Variants in THRAP3 observed in about 807,000 individuals in gnomAD.
The protein encoded by THRAP3 is thyroid hormone receptor associated protein 3.
In THRAP3, 16 loss-of-function variants were observed where a neutral mutation model predicts 101.0. That is an observed-to-expected ratio of 0.16 (90% CI 0.11 to 0.24). The LOEUF (loss-of-function observed/expected upper bound fraction) is 0.24, where lower values mean the gene tolerates loss of function less well. THRAP3 is among the 10% of genes least tolerant of loss of function. THRAP3 has a pLI of 1.00. For synonymous variants in THRAP3, 407 were observed against 422.6 expected, an observed-to-expected ratio of 0.96 and a Z score of 0.45; for missense variants, 989 against 1,202.7, an observed-to-expected ratio of 0.82 and a Z score of 2.63.
At chr1:36,292,388 C>T (rs1457700446) in intron 6 of THRAP3, among the ~76,000 whole-genome samples, 1 of 149,498 alleles carries the variant, frequency 6.7e-6, no homozygotes, top group Non-Finnish European at 1.5e-5. Flanking sequence ...TCTTCTGCCT[C>T]AGCCTCCGGA....
intron 8 of THRAP3, among the ~76,000 whole-genome samples, chr1:36,295,403 G>A (rs59166985): frequency 0.051 from 7,680 of 152,024 alleles, 636 homozygotes; most frequent in African/African-American, 0.17. Flanking sequence ...GGGATGTCCC[G>A]GAACTACCAT....
At chr1:36,263,658 T>A (rs767890378) in intron 2 of THRAP3, among the ~76,000 whole-genome samples, 13 of 152,194 alleles carry the variant, frequency 8.5e-5, no homozygotes, top group Non-Finnish European at 1.3e-4. Flanking sequence ...GAGGAGCCTC[T>A]GGGGTGAATT....
intron 1 of THRAP3, among the ~76,000 whole-genome samples, chr1:36,242,936 T>G (rs1017324209): frequency 3.9e-5 from 6 of 152,130 alleles, no homozygotes; most frequent in Non-Finnish European, 7.4e-5. Flanking sequence ...TATTTTATTT[T>G]ATTTTGAGAT....
chr1:36,248,534 ACCT>A (rs1173145377), intron 1 of THRAP3, among the ~76,000 whole-genome samples: 2 of 144,370 alleles, frequency 1.4e-5, no homozygotes, highest in Admixed American at 7.1e-5. Flanking sequence ...TGCAGCCTTG[ACCT>A]CCTGGGCCCA....
At chr1:36,244,922 A>G (rs1019794410) in intron 1 of THRAP3, among the ~76,000 whole-genome samples, 1 of 151,678 alleles carries the variant, frequency 6.6e-6, no homozygotes, top group African/African-American at 2.4e-5. Context: ...GGGTTTCATG[A>G]TGTTGGCCAG....
chr1:36,261,387 G>T (rs527979893), intron 2 of THRAP3, among the ~76,000 whole-genome samples: 1 of 152,234 alleles, frequency 6.6e-6, no homozygotes, highest in Admixed American at 6.5e-5. Flanking sequence ...AAAAAAACTA[G>T]CCAGGCACGG....
At chr1:36,246,342 C>G (rs1453762406) in intron 1 of THRAP3, among the ~76,000 whole-genome samples, 1 of 152,166 alleles carries the variant, frequency 6.6e-6, no homozygotes, top group Non-Finnish European at 1.5e-5. Context: ...AAGCAATTCT[C>G]CTGCCTCAGC....
intron 1 of THRAP3, among the ~76,000 whole-genome samples, chr1:36,227,692 A>G (rs1363593947): frequency 6.6e-6 from 1 of 152,184 alleles, no homozygotes; most frequent in Non-Finnish European, 1.5e-5. Context: ...TAAGAGACCG[A>G]AGATGGTAGT....
chr1:36,251,443 G>A (rs888205429), intron 1 of THRAP3, among the ~76,000 whole-genome samples: 1 of 152,030 alleles, frequency 6.6e-6, no homozygotes, highest in African/African-American at 2.4e-5. Context: ...TGGCATGTTT[G>A]ATTCCTCTCT....
intron 2 of THRAP3, among the ~76,000 whole-genome samples, chr1:36,278,777 G>C (rs1285584179): frequency 6.6e-6 from 1 of 151,962 alleles, no homozygotes; most frequent in African/African-American, 2.4e-5. Flanking sequence ...CAAAAAATTA[G>C]CTGGGCATGG....
chr1:36,261,300 A>G (rs1645442099), intron 2 of THRAP3, among the ~76,000 whole-genome samples: 1 of 152,186 alleles, frequency 6.6e-6, no homozygotes, highest in Non-Finnish European at 1.5e-5. Context: ...TGGGAGGCCA[A>G]GGCGGGCAGA....
chr1:36,263,944 T>C (rs1410306006), intron 2 of THRAP3, among the ~76,000 whole-genome samples: 1 of 152,238 alleles, frequency 6.6e-6, no homozygotes, highest in African/African-American at 2.4e-5. Flanking sequence ...CGACCTTTCC[T>C]TCTAGCACAC....
chr1:36,266,570 T>G (rs1328545701), intron 2 of THRAP3, among the ~76,000 whole-genome samples: 1 of 152,154 alleles, frequency 6.6e-6, no homozygotes, highest in African/African-American at 2.4e-5. Context: ...ATTCACTCGC[T>G]GAAAAGGGGG....
upstream of THRAP3, among the ~76,000 whole-genome samples, chr1:36,224,035 C>A (rs1644927000): frequency 6.6e-6 from 1 of 152,190 alleles, no homozygotes; most frequent in African/African-American, 2.4e-5. Flanking sequence ...GGGAGCGCAG[C>A]AGAGACCAAA....
chr1:36,276,422 G>T (rs1478781641), intron 2 of THRAP3, among the ~76,000 whole-genome samples: 2 of 151,812 alleles, frequency 1.3e-5, no homozygotes, highest in African/African-American at 2.4e-5. Context: ...TACTCGGGAG[G>T]CTGAGGCAGG....
intron 5 of THRAP3, among the ~76,000 whole-genome samples, chr1:36,290,573 C>G (rs188832026): frequency 6.6e-6 from 1 of 152,324 alleles, no homozygotes; most frequent in Non-Finnish European, 1.5e-5. Flanking sequence ...TCAAGCGATT[C>G]TCCTGCCTTA....
rs768158174 is a variant in THRAP3 at position 36,289,284 on chromosome 1, T to C, written c.1265T>C (p.Met422Thr). 5.0e-6 allele frequency: 8 copies of C among 1,613,926 alleles called. No homozygotes were observed. In the Admixed American group the frequency reaches 8.3e-5, roughly 17 times the overall value. Reference protein sequence around the residue: ...YKLRDDFEKKMADFHKEEMDD... With the variant: ...YKLRDDFEKKTADFHKEEMDD... ...CTCCGAGATGACTTTGAGAAGAAGA[T>C]GGCTGACTTCCACAAGGAGGAGATG... Residue 422 changes from methionine to threonine, a missense_variant, in exon 5 of 12, where the codon ATG (methionine) becomes ACG (threonine). Met to Thr is a moderately conservative substitution (Grantham distance 81). Transcript: ENST00000354618.
At chr1:36,216,866 T>C in the THRAP3 span, among the ~76,000 whole-genome samples, 6 of 152,088 alleles carry the variant, frequency 3.9e-5, 1 homozygote, top group Non-Finnish European at 5.9e-5. Flanking sequence ...GGCCCACAGG[T>C]TGTAGTTTGC....
intron 2 of THRAP3, among the ~76,000 whole-genome samples, chr1:36,273,800 G>A (rs988648506): frequency 1.3e-4 from 20 of 152,176 alleles, no homozygotes; most frequent in Non-Finnish European, 2.9e-4. Flanking sequence ...CCAGCACTTT[G>A]GGAGGCCGAG....
Sources: allele counts gnomAD v4.1 joint callset (sites outside exome capture counted in the v4.1 genomes callset), GRCh38; gene constraint gnomAD v4.1.1; transcripts MANE v1.5; gene names NCBI Gene and HGNC (gene_info 2026-07-23, HGNC 2026-07-21).